The following PCDH9 variants were observed in gnomAD, a reference collection of about 807,000 sequenced individuals.
PCDH9 encodes the protein protocadherin 9.
A neutral mutation model predicts 70.6 loss-of-function variants in PCDH9; 24 were observed. The observed-to-expected ratio is 0.34, with a 90% CI of 0.25 to 0.48. The LOEUF (loss-of-function observed/expected upper bound fraction) is 0.48, where lower values mean the gene tolerates loss of function less well. PCDH9 is among the 20% of genes least tolerant of loss of function. The pLI, the probability that PCDH9 is intolerant of heterozygous loss-of-function variation, is 0.99. For missense variants in PCDH9, 1,281 were observed against 1,503.6 expected (o/e 0.85, Z 2.45); for synonymous variants, 562 against 558.5 (o/e 1.01, Z -0.09).
chr13:67,097,859 T>G (rs974004137), intron 2 of PCDH9, among the ~76,000 whole-genome samples: 2 of 152,150 alleles, frequency 1.3e-5, no homozygotes, highest in African/African-American at 4.8e-5. Flanking sequence ...CAGAGTGCCA[T>G]ATAAATACGC....
intron 2 of PCDH9, among the ~76,000 whole-genome samples, chr13:67,081,499 C>T (rs1436614402): frequency 6.6e-6 from 1 of 152,086 alleles, no homozygotes; most frequent in African/African-American, 2.4e-5. Context: ...ACCCAGGAGG[C>T]AGAGGTTGCA....
chr13:66,385,703 T>C (rs1956916272), intron 4 of PCDH9, among the ~76,000 whole-genome samples: 1 of 152,210 alleles, frequency 6.6e-6, no homozygotes, highest in African/African-American at 2.4e-5. Context: ...GGTTATGGAT[T>C]TGTAGAAGAT....
At chr13:66,619,527 T>G (rs2077397703) in intron 4 of PCDH9, among the ~76,000 whole-genome samples, 1 of 152,204 alleles carries the variant, frequency 6.6e-6, no homozygotes, top group Admixed American at 6.5e-5. Flanking sequence ...GAAACTTTGC[T>G]AAATAATTAA....
chr13:66,811,637 TAACCTGCCTTCCTGCCTGC>T (rs1354426529), intron 3 of PCDH9, among the ~76,000 whole-genome samples: 5 of 138,964 alleles, frequency 3.6e-5, no homozygotes, highest in African/African-American at 1.3e-4. Context: ...CCTGCCTGCC[TAACCTGCCTTCCTGCCTGC>T]CTAACCTGCC....
chr13:67,088,289 C>A (rs1162680071), intron 2 of PCDH9, among the ~76,000 whole-genome samples: 2 of 151,904 alleles, frequency 1.3e-5, no homozygotes, highest in Non-Finnish European at 2.9e-5. Context: ...CAGCATCTAT[C>A]AGTTAGCATG....
At chr13:66,350,238 C>T (rs1956272878) in intron 4 of PCDH9, among the ~76,000 whole-genome samples, 1 of 152,196 alleles carries the variant, frequency 6.6e-6, no homozygotes, top group South Asian at 2.1e-4. Flanking sequence ...CAAACCTCTT[C>T]TTTCTGACTC....
chr13:66,862,382 C>T (rs2081499006), intron 3 of PCDH9, among the ~76,000 whole-genome samples: 3 of 152,144 alleles, frequency 2.0e-5, no homozygotes, highest in Admixed American at 2.0e-4. Context: ...ATATGTCTAG[C>T]AATTTTCAGA....
At chr13:66,743,772 G>T (rs930999421) in intron 3 of PCDH9, among the ~76,000 whole-genome samples, 1 of 151,738 alleles carries the variant, frequency 6.6e-6, no homozygotes. Flanking sequence ...AATTTTAGTC[G>T]TAAATGAAAA....
At chr13:67,081,744 C>A (rs1003023795) in intron 2 of PCDH9, among the ~76,000 whole-genome samples, 5 of 152,118 alleles carry the variant, frequency 3.3e-5, no homozygotes, top group African/African-American at 7.2e-5. Context: ...ATGTTAAAAT[C>A]CTGTCCTACC....
At position 67,089,023 on chromosome 13, in the gene PCDH9, T is replaced by C. The variant is rs555594894; in HGVS notation, c.3036+136382A>G. ...TATTTTCTTGCATATTTCCCTTGTATATGCATTGCCTTCATCAAAATTTTT... is the reference window on the plus strand; with the variant it reads ...TATTTTCTTGCATATTTCCCTTGTACATGCATTGCCTTCATCAAAATTTTT... On this transcript the variant is annotated intron_variant, in intron 2 of 4. Coordinates refer to ENST00000377865, the MANE Select transcript of PCDH9 (RefSeq NM_203487.3). Among the ~76,000 whole-genome samples the C allele has an allele frequency of 3.9e-5, 6 of 152,148 alleles. No homozygotes were observed. In the South Asian group the frequency reaches 1.2e-3, roughly 32 times the overall value.
chr13:67,132,621 C>A (rs754223973), intron 2 of PCDH9, among the ~76,000 whole-genome samples: 1 of 151,824 alleles, frequency 6.6e-6, no homozygotes. Context: ...CAAAATAATT[C>A]TAAGAGACTG....
intron 4 of PCDH9, among the ~76,000 whole-genome samples, chr13:66,368,750 G>A (rs936481735): frequency 6.6e-6 from 1 of 151,994 alleles, no homozygotes; most frequent in Non-Finnish European, 1.5e-5. Context: ...AGGTTTAATG[G>A]ACTTAGAGTT....
intron 3 of PCDH9, among the ~76,000 whole-genome samples, chr13:66,877,554 C>A (rs1380639407): frequency 6.6e-6 from 1 of 152,018 alleles, no homozygotes; most frequent in Non-Finnish European, 1.5e-5. Flanking sequence ...TAGGGGTTTC[C>A]TCTGGGAAAA....
chr13:66,344,307 G>A (rs1956179412), intron 4 of PCDH9, among the ~76,000 whole-genome samples: 1 of 152,028 alleles, frequency 6.6e-6, no homozygotes, highest in Non-Finnish European at 1.5e-5. Flanking sequence ...TTTGTATTTA[G>A]TAGAGATGGG....
chr13:66,406,581 C>T (rs1310634356), intron 4 of PCDH9, among the ~76,000 whole-genome samples: 1 of 152,144 alleles, frequency 6.6e-6, no homozygotes, highest in African/African-American at 2.4e-5. Flanking sequence ...AGAGAATTTA[C>T]TACACATATT....
At chr13:66,793,070 C>A (rs1375941849) in intron 3 of PCDH9, among the ~76,000 whole-genome samples, 1 of 151,620 alleles carries the variant, frequency 6.6e-6, no homozygotes, top group African/African-American at 2.4e-5. Flanking sequence ...ACTTTTGCTG[C>A]CAATTTTAAA....
chr13:66,704,135 A>G (rs531972805), intron 3 of PCDH9, among the ~76,000 whole-genome samples: 2 of 152,342 alleles, frequency 1.3e-5, no homozygotes, highest in Admixed American at 1.3e-4. Context: ...TTGTGTACTC[A>G]GGCATGTAGC....
chr13:66,353,062 A>G (rs921240356), intron 4 of PCDH9, among the ~76,000 whole-genome samples: 3 of 152,226 alleles, frequency 2.0e-5, no homozygotes, highest in Admixed American at 6.5e-5. Flanking sequence ...GAGCGAATCA[A>G]TTAAATGCTG....
At chr13:66,525,409 T>C (rs1960170520) in intron 4 of PCDH9, among the ~76,000 whole-genome samples, 1 of 152,110 alleles carries the variant, frequency 6.6e-6, no homozygotes, top group Non-Finnish European at 1.5e-5. Context: ...TCCAATTTCC[T>C]CTTTCCTTCC....
Sources: allele counts gnomAD v4.1 joint callset (sites outside exome capture counted in the v4.1 genomes callset), GRCh38; gene constraint gnomAD v4.1.1; transcripts MANE v1.5; gene names NCBI Gene and HGNC (gene_info 2026-07-23, HGNC 2026-07-21).